The following VAV2 variants were observed in gnomAD, a reference collection of about 807,000 sequenced individuals.
The protein encoded by VAV2 is vav guanine nucleotide exchange factor 2.
VAV2 carries 67 observed loss-of-function variants against 132.5 expected under a neutral mutation model. The observed-to-expected ratio is 0.51, with a 90% CI of 0.42 to 0.62. VAV2 has a LOEUF of 0.62. Ranked by LOEUF, VAV2 falls within the 20% of genes least tolerant of loss-of-function variation. VAV2 has a pLI of 0.00. For missense variants in VAV2, 938 were observed against 1,153.6 expected, an observed-to-expected ratio of 0.81 and a Z score of 2.71; for synonymous variants, 492 against 443.5, an observed-to-expected ratio of 1.11 and a Z score of -1.37.
intron 19 of VAV2, among the ~76,000 whole-genome samples, chr9:133,783,057 G>T (rs191738061): frequency 3.3e-5 from 5 of 152,194 alleles, no homozygotes; most frequent in African/African-American, 1.2e-4. Context: ...ATGCGTGCAT[G>T]TGTGTGTGTG....
intron 2 of VAV2, among the ~76,000 whole-genome samples, chr9:133,923,496 C>T (rs572357532): frequency 3.5e-4 from 53 of 152,250 alleles, no homozygotes; most frequent in Non-Finnish European, 6.0e-4. Context: ...GGAAACAATA[C>T]ATGCTGGAGA....
In VAV2 at chr9:133,977,223, G is replaced by A. The variant is rs567502281; in HGVS notation, c.204+14852C>T. On this transcript the variant is annotated intron_variant, in intron 1 of 29. Transcript: ENST00000371850. ...CCACGAGGACCTCCGGCATCCAATG[G>A]GTGCCTGGTGTCCATTTGAGGAGCA... 2.7e-4 allele frequency among the ~76,000 whole-genome samples: 41 copies of A among 152,372 alleles called. 1 individual carries two copies. In the East Asian group the frequency reaches 4.8e-3, roughly 18 times the overall value.
chr9:133,828,287 ACTGGGG>A lies in VAV2; in HGVS notation c.449+5979_449+5984del, dbSNP rs1836117635. On this transcript the variant is annotated intron_variant, in intron 4 of 29. Transcript: ENST00000371850. ...GGCATCGCCAGCTACCGCTGCGCCC[ACTGGGG>A]CTGACCACTGAGTGGGGGCATCACC... 2.3e-5 allele frequency among the ~76,000 whole-genome samples: 2 copies of A among 88,002 alleles called. 1 individual carries two copies. The allele number at this position is 88,002 out of a possible 152,430, so 57.7% of individuals were successfully genotyped here.
chr9:133,958,526 T>C (rs918221459), intron 1 of VAV2, among the ~76,000 whole-genome samples: 9 of 150,376 alleles, frequency 6.0e-5, no homozygotes, highest in African/African-American at 1.7e-4. Flanking sequence ...CTTGTGACCC[T>C]GACACATCCC....
intron 2 of VAV2, among the ~76,000 whole-genome samples, chr9:133,914,719 ATCACGG>A (rs1840000965): frequency 2.4e-4 from 2 of 8,486 alleles, no homozygotes; most frequent in Non-Finnish European, 4.7e-4. Context: ...GAGGGGAGGG[ATCACGG>A]GAGGGGGAGG....
chr9:133,953,352 G>A (rs1461376638), intron 1 of VAV2, among the ~76,000 whole-genome samples: 2 of 152,334 alleles, frequency 1.3e-5, no homozygotes, highest in South Asian at 4.1e-4. Context: ...GGGATGAATG[G>A]GCACACAATG....
At position 133,769,691 on chromosome 9, in the gene VAV2, G is replaced by C. The variant is rs961951101; in HGVS notation, c.2348-188C>G. Among the ~76,000 whole-genome samples the C allele has an allele frequency of 6.6e-6, 1 of 152,300 alleles. No individual in the cohort carries two copies. On this transcript the variant is annotated intron_variant, in intron 27 of 29. Transcript: ENST00000371850. This position sits in a 1 kb window ranked among gnomAD's most constrained non-coding sequence, Gnocchi z 8.1. ...CCCCACCCAGGCACAGGTGCCACTC[G>C]GCCACACCTGAGCTACCCTGGAACC...
rs1836677943 is a variant in VAV2 at position 133,840,513 on chromosome 9, A to G, written c.381-6173T>C. Among the ~76,000 whole-genome samples the G allele has an allele frequency of 6.6e-6, 1 of 152,152 alleles. No homozygotes were observed. Among genetic ancestry groups the G allele is most frequent in the Non-Finnish European group, 1.5e-5 (1 of 68,030 alleles). On this transcript the variant is annotated intron_variant, in intron 3 of 29. Coordinates refer to ENST00000371850, the MANE Select transcript of VAV2 (RefSeq NM_001134398.2). The surrounding 1 kb of genome is among the most constrained non-coding windows in gnomAD (Gnocchi z 4.5). ...GCTCAATTCTGGGCAGGACAATCAC[A>G]GTCCCAGTGCTACAGCCAAATAAGT... is the stretch of plus-strand genomic sequence containing the variant.
At chr9:133,891,832 A>G (rs1269330897) in intron 2 of VAV2, among the ~76,000 whole-genome samples, 2 of 4,628 alleles carry the variant, frequency 4.3e-4, no homozygotes, top group Non-Finnish European at 8.5e-4. Flanking sequence ...GGATGGAGGG[A>G]GAGGGATGGA....
chr9:133,887,634 AC>A (rs1838764722), intron 2 of VAV2, among the ~76,000 whole-genome samples: 1 of 151,538 alleles, frequency 6.6e-6, no homozygotes, highest in Admixed American at 6.6e-5. Context: ...GACTCCACTT[AC>A]CCCCAGCAGA....
At chr9:133,986,835 G>A (rs1286744041) in intron 1 of VAV2, among the ~76,000 whole-genome samples, 6 of 151,958 alleles carry the variant, frequency 3.9e-5, no homozygotes, top group South Asian at 2.1e-4. Context: ...GGGGCCCTTC[G>A]GGCACTTCCA....
intron 1 of VAV2, among the ~76,000 whole-genome samples, chr9:133,981,733 C>A (rs1215305952): frequency 1.3e-5 from 2 of 152,202 alleles, no homozygotes; most frequent in African/African-American, 2.4e-5. Context: ...GAGTGTGGTC[C>A]CCACTGCCGC....
intron 18 of VAV2, among the ~76,000 whole-genome samples, chr9:133,783,878 T>C (rs1374183193): frequency 0.15 from 663 of 4,498 alleles, 8 homozygotes; most frequent in African/African-American, 0.24. Flanking sequence ...GGCTGGGCCG[T>C]TTTTTTTTTT....
intron 2 of VAV2, among the ~76,000 whole-genome samples, chr9:133,933,401 G>C (rs1482569965): frequency 1.3e-5 from 2 of 152,292 alleles, no homozygotes; most frequent in Non-Finnish European, 2.9e-5. Flanking sequence ...CAGAATGATA[G>C]ATGGATGAAT....
intron 3 of VAV2, among the ~76,000 whole-genome samples, chr9:133,853,784 G>A (rs567178905): frequency 2.6e-5 from 4 of 152,108 alleles, no homozygotes; most frequent in African/African-American, 4.8e-5. Context: ...CAGGACAGCC[G>A]AGCACCCTCC....
intron 1 of VAV2, among the ~76,000 whole-genome samples, chr9:133,953,081 TAGAACCTGGAGGGAGCAC>T (rs1287032534): frequency 6.6e-6 from 1 of 151,176 alleles, no homozygotes; most frequent in African/African-American, 2.4e-5. Flanking sequence ...CACTGACACC[TAGAACCTGGAGGGAGCAC>T]AGCCTGCCAA....
In VAV2 at chr9:133,779,313, T is replaced by C. The variant is rs141131005; in HGVS notation, c.1763-424A>G. Among the ~76,000 whole-genome samples, 652 of 152,304 alleles carry C rather than the reference T, an allele frequency of 4.3e-3. 4 individuals are homozygous for C. Among genetic ancestry groups the C allele is most frequent in the African/African-American group, 0.015 (622 of 41,574 alleles). On this transcript the variant is annotated intron_variant, in intron 21 of 29. Transcript: ENST00000371850. ...CTGAAATGGGGGTCCTGGCTGTGCCTCCAGGGAATGTGGAGGCTGCTCTTA... is the reference window on the plus strand; with the variant it reads ...CTGAAATGGGGGTCCTGGCTGTGCCCCCAGGGAATGTGGAGGCTGCTCTTA...
chr9:133,858,270 G>T (rs903698170), intron 3 of VAV2, among the ~76,000 whole-genome samples: 1 of 152,190 alleles, frequency 6.6e-6, no homozygotes, highest in Non-Finnish European at 1.5e-5. Flanking sequence ...CAGGCGCTGG[G>T]GATGGAGTAA....
In VAV2 at chr9:133,969,948, T is replaced by A. The variant is rs1588195046; in HGVS notation, c.204+22127A>T. Among the ~76,000 whole-genome samples the A allele has an allele frequency of 6.6e-6, 1 of 152,234 alleles. No homozygotes were observed. Among genetic ancestry groups the A allele is most frequent in the East Asian group, 1.9e-4 (1 of 5,168 alleles). The stretch of plus-strand genomic sequence containing the variant: ...CCAGGGTTCCCTGGCACACCCAGGA[T>A]GAAGCCGGCCCTGCCTCCCTGCAGC... On this transcript the variant is annotated intron_variant, in intron 1 of 29. Transcript: ENST00000371850. The surrounding 1 kb of genome is among the most constrained non-coding windows in gnomAD (Gnocchi z 5.1).
Sources: allele counts gnomAD v4.1 joint callset (sites outside exome capture counted in the v4.1 genomes callset), GRCh38; gene constraint gnomAD v4.1.1; non-coding constraint Gnocchi (gnomAD v3.1); transcripts MANE v1.5; gene names NCBI Gene and HGNC (gene_info 2026-07-23, HGNC 2026-07-21).